NTM: variants seen among roughly 807,000 people sequenced by gnomAD.
NTM encodes the protein neurotrimin.
A neutral mutation model predicts 42.1 loss-of-function variants in NTM; 13 were observed. That is an observed-to-expected ratio of 0.31 (90% CI 0.20 to 0.49). NTM has a LOEUF of 0.49. NTM is among the 20% of genes least tolerant of loss of function. The pLI is 0.99. For missense variants in NTM, 373 were observed against 452.8 expected (o/e 0.82, Z 1.60); for synonymous variants, 187 against 179.2 (o/e 1.04, Z -0.35).
chr11:131,717,948 C>T (rs1086221), intron 1 of NTM, among the ~76,000 whole-genome samples: 35,262 of 152,058 alleles, frequency 0.23, 4,877 homozygotes, highest in African/African-American at 0.38. Flanking sequence ...CAAATGCTTT[C>T]GTCTTTATTA....
chr11:131,944,151 A>C (rs1223055139), intron 2 of NTM, among the ~76,000 whole-genome samples: 2 of 152,180 alleles, frequency 1.3e-5, no homozygotes, highest in African/African-American at 4.8e-5. Flanking sequence ...GATAAATGCC[A>C]CTGGCTGGTG....
At chr11:132,333,474 A>G (rs1371056295) in intron 8 of NTM, among the ~76,000 whole-genome samples, 1 of 152,208 alleles carries the variant, frequency 6.6e-6, no homozygotes, top group African/African-American at 2.4e-5. Context: ...GACACATAGT[A>G]GTTAGATTCT....
chr11:131,966,502 G>A (rs1377900020), intron 2 of NTM, among the ~76,000 whole-genome samples: 4 of 152,160 alleles, frequency 2.6e-5, no homozygotes, highest in African/African-American at 4.8e-5. Flanking sequence ...AGTATATTTA[G>A]GTTAACCATT....
At chr11:132,174,472 C>T (rs555429213) in intron 3 of NTM, among the ~76,000 whole-genome samples, 5 of 152,298 alleles carry the variant, frequency 3.3e-5, no homozygotes, top group South Asian at 2.1e-4. Context: ...GTAACAGAAT[C>T]GATGCTAGTG....
At chr11:131,978,213 G>A (rs2064705438) in intron 2 of NTM, among the ~76,000 whole-genome samples, 1 of 152,088 alleles carries the variant, frequency 6.6e-6, no homozygotes, top group East Asian at 1.9e-4. Flanking sequence ...GACAATGGAT[G>A]GAACAATAGC....
intron 1 of NTM, among the ~76,000 whole-genome samples, chr11:131,500,909 G>A (rs987384487): frequency 4.9e-5 from 7 of 142,620 alleles, no homozygotes; most frequent in African/African-American, 1.7e-4. Context: ...CTCTACAAAG[G>A]ACATGAACTC....
At chr11:131,802,243 C>A (rs2092179780) in intron 1 of NTM, among the ~76,000 whole-genome samples, 1 of 152,146 alleles carries the variant, frequency 6.6e-6, no homozygotes, top group Non-Finnish European at 1.5e-5. Flanking sequence ...TCAGAAAATT[C>A]TCCCATTTAG....
At chr11:131,422,327 T>C (rs530354316) in intron 1 of NTM, among the ~76,000 whole-genome samples, 3 of 152,348 alleles carry the variant, frequency 2.0e-5, no homozygotes, top group Admixed American at 6.5e-5. Context: ...GGGGTCTGAA[T>C]GTGTATCTCC....
chr11:131,459,942 T>TA (rs1951224190), intron 1 of NTM, among the ~76,000 whole-genome samples: 1 of 152,136 alleles, frequency 6.6e-6, no homozygotes, highest in Non-Finnish European at 1.5e-5. Flanking sequence ...TGTATTTTTT[T>TA]AAAAAAATAA....
intron 1 of NTM, among the ~76,000 whole-genome samples, chr11:131,864,043 G>T (rs1449380732): frequency 6.6e-6 from 1 of 152,126 alleles, no homozygotes; most frequent in African/African-American, 2.4e-5. Context: ...AGCATAAGAA[G>T]TCGGGGGTCA....
At chr11:132,078,080 G>A (rs755878517) in intron 2 of NTM, among the ~76,000 whole-genome samples, 2 of 152,252 alleles carry the variant, frequency 1.3e-5, no homozygotes, top group South Asian at 4.1e-4. Context: ...TGCCCCACAC[G>A]AGGGGATCAT....
chr11:131,419,685 T>C (rs970545703), intron 1 of NTM, among the ~76,000 whole-genome samples: 1 of 152,118 alleles, frequency 6.6e-6, no homozygotes, highest in Admixed American at 6.5e-5. Context: ...TTGAAGGCCA[T>C]AATAAAAAGT....
In NTM at chr11:132,196,510, A is replaced by G. The variant is rs2080239539; in HGVS notation, c.401-15512A>G. 2.0e-5 allele frequency among the ~76,000 whole-genome samples: 3 copies of G among 152,182 alleles called. No individual in the cohort carries two copies. The South Asian group carries it at 6.2e-4, about 32-fold the overall frequency. On this transcript the variant is annotated intron_variant, in intron 3 of 8. Transcript: ENST00000683400. ...ACACTCATATGTTTATTGCGGCACT[A>G]TTCACAATAGCAAAGACATGGAATC...
rs150038272 is a variant in NTM, at chr11:131,839,529, C to T, written c.83-72035C>T. On this transcript the variant is annotated intron_variant, in intron 1 of 8. Transcript: ENST00000683400. ...TCAGTGTGCAGCAAGGTCAGCAGTGCGGCTGCAGCTAAGTGAGTCAGGGGA... is the reference window on the plus strand; with the variant it reads ...TCAGTGTGCAGCAAGGTCAGCAGTGTGGCTGCAGCTAAGTGAGTCAGGGGA... Among the ~76,000 whole-genome samples the T allele has an allele frequency of 4.8e-3, 727 of 152,230 alleles. 6 individuals carry two copies. The highest frequency in any genetic ancestry group is 5.6e-3 in the Non-Finnish European group (379 of 68,032).
At chr11:131,523,175 T>C (rs1433174808) in intron 1 of NTM, among the ~76,000 whole-genome samples, 1 of 152,220 alleles carries the variant, frequency 6.6e-6, no homozygotes, top group Non-Finnish European at 1.5e-5. Flanking sequence ...TCACAGATAG[T>C]ATCTCAGTGT....
At chr11:132,303,983 C>T (rs2094972963) in intron 4 of NTM, among the ~76,000 whole-genome samples, 1 of 152,132 alleles carries the variant, frequency 6.6e-6, no homozygotes, top group African/African-American at 2.4e-5. Flanking sequence ...GTTAGGTGAC[C>T]TACCCCATCA....
At chr11:131,429,578 C>A (rs1018916540) in intron 1 of NTM, among the ~76,000 whole-genome samples, 3 of 152,112 alleles carry the variant, frequency 2.0e-5, no homozygotes, top group African/African-American at 7.2e-5. Context: ...CTGTTTATCT[C>A]GCATAGGAGT....
At chr11:132,169,883 T>G (rs574391141) in intron 3 of NTM, among the ~76,000 whole-genome samples, 2 of 152,294 alleles carry the variant, frequency 1.3e-5, no homozygotes, top group African/African-American at 4.8e-5. Flanking sequence ...CACCCCATCT[T>G]TCTCCTCAGT....
At chr11:132,216,934 G>A (rs962311208) in intron 4 of NTM, among the ~76,000 whole-genome samples, 3 of 152,214 alleles carry the variant, frequency 2.0e-5, no homozygotes, top group African/African-American at 7.2e-5. Flanking sequence ...CCCTTGAGGG[G>A]ACCTTGCTGT....
Sources: gnomAD v4.1 joint callset for allele counts (sites outside exome capture counted in the v4.1 genomes callset) on GRCh38, gnomAD v4.1.1 for gene constraint, MANE v1.5 for transcripts, NCBI Gene and HGNC (gene_info 2026-07-23, HGNC 2026-07-21) for gene names.